IL17REL: variants seen among roughly 807,000 people sequenced by gnomAD.
The protein encoded by IL17REL is interleukin-17 receptor E-like protein.
IL17REL carries 36 observed loss-of-function variants against 49.0 expected under a neutral mutation model. The observed-to-expected ratio is 0.73, with a 90% CI of 0.56 to 0.97. IL17REL has a LOEUF of 0.97. Among genes scored for constraint, IL17REL ranks in the 50% least tolerant of loss-of-function variants. IL17REL has a pLI of 0.00. For missense variants in IL17REL, 470 were observed against 453.9 expected, an observed-to-expected ratio of 1.04 and a Z score of -0.32; for synonymous variants, 206 against 192.4, an observed-to-expected ratio of 1.07 and a Z score of -0.58.
chr22:49,997,836 A>T, intron 9 of IL17REL, 94 bp from the exon 12 acceptor site: 21 of 1,442,182 alleles, frequency 1.5e-5, no homozygotes, highest in Non-Finnish European at 2.0e-5. Context: ...GGTCAGCTTC[A>T]GGGTGCTCTG....
At position 49,999,359 on chromosome 22, in the gene IL17REL, TG is replaced by T. The variant is rs1233571448; in HGVS notation, c.547-15del. 6.2e-7 allele frequency: 1 copy of T among 1,612,872 alleles called. No homozygotes were observed. On this transcript the variant is annotated splice_polypyrimidine_tract_variant and intron_variant, in intron 6 of 12. Transcript: ENST00000341280. ...CGCAGACCAGCCCTGTGGGAGGGGCTGGGGTCAGCGCAGCCCACCCATCCCT... is the reference window on the plus strand; with the variant it reads ...CGCAGACCAGCCCTGTGGGAGGGGCTGGGTCAGCGCAGCCCACCCATCCCT...
chr22:50,001,888 C>A (rs1381727072), intron 1 of IL17REL, among the ~76,000 whole-genome samples: 6 of 152,220 alleles, frequency 3.9e-5, no homozygotes, highest in African/African-American at 1.4e-4. Context: ...AGGACTGCCA[C>A]CCTCTTTATA....
At chr22:50,010,804 T>A (rs1283474115), upstream of IL17REL, among the ~76,000 whole-genome samples, 1 of 36,000 alleles carries the variant, frequency 2.8e-5, no homozygotes, top group Non-Finnish European at 5.3e-5. Context: ...GGGGGGAAGG[T>A]GGGGGGAGCG....
In IL17REL at chr22:49,998,309, T is replaced by C. The variant is rs867175612; in HGVS notation, c.602A>G (p.Asp201Gly). ...CCACAGCACCTCCAGTGCCTCAGTG[T>C]CTGCAGGAACCCTCCCCGAAACACA... is the stretch of plus-strand genomic sequence containing the variant. Residue 201 changes from aspartate to glycine, a missense_variant and splice_region_variant, in exon 8 of 13, where the codon GAC becomes GGC. Coordinates refer to ENST00000341280, the Ensembl canonical transcript of IL17REL. The C allele has an allele frequency of 7.5e-6, 12 of 1,600,952 alleles. No homozygotes were observed. The African/African-American group carries it at 1.3e-4, about 18-fold the overall frequency.
At chr22:50,001,182 C>T in exon 2 of IL17REL, 1 of 1,600,834 alleles carries the variant, frequency 6.2e-7, no homozygotes, top group African/African-American at 1.3e-5. Context: ...CCAGGACTGA[C>T]CTGGACATGG....
At chr22:49,994,290 G>A (rs962931482), downstream of IL17REL, among the ~76,000 whole-genome samples, 5 of 133,294 alleles carry the variant, frequency 3.8e-5, no homozygotes, top group East Asian at 6.8e-4. Context: ...ACACTTGGAT[G>A]GGGATGTCTG....
At chr22:50,011,001 G>C (rs1398376551), upstream of IL17REL, among the ~76,000 whole-genome samples, 2 of 114,288 alleles carry the variant, frequency 1.7e-5, no homozygotes, top group African/African-American at 3.8e-5. Flanking sequence ...TCACCCGCGC[G>C]GGTCCCCCCC....
At chr22:50,010,304 TCCGCCCAGGCAAAAGGGGCCGGGCTCAC>T (rs1464883289), upstream of IL17REL, among the ~76,000 whole-genome samples, 1 of 152,200 alleles carries the variant, frequency 6.6e-6, no homozygotes, top group Non-Finnish European at 1.5e-5. Flanking sequence ...TGCTGAGGGC[TCCGCCCAGGCAAAAGGGGCCGGGCTCAC>T]CCGGGGCAGC....
intron 10 of IL17REL, 55 bp from the exon 13 acceptor site, chr22:49,997,538 T>C (rs2061044257): frequency 7.5e-7 from 1 of 1,335,710 alleles, no homozygotes; most frequent in Admixed American, 1.9e-5. Flanking sequence ...ACCGCCTCCC[T>C]TCCTTCCCCA....
At chr22:50,010,405 G>A (rs920758474), upstream of IL17REL, among the ~76,000 whole-genome samples, 1 of 152,242 alleles carries the variant, frequency 6.6e-6, no homozygotes, top group Non-Finnish European at 1.5e-5. Context: ...AGACCAGCCC[G>A]GGCACAGAGG....
chr22:50,005,548 T>G (rs999502721), intron 1 of IL17REL, among the ~76,000 whole-genome samples: 1 of 152,142 alleles, frequency 6.6e-6, no homozygotes, highest in Admixed American at 6.6e-5. Context: ...ACGCCTGTAA[T>G]CCCAGCACTT....
chr22:50,005,992 G>C (rs978723348), intron 1 of IL17REL, among the ~76,000 whole-genome samples: 1 of 151,958 alleles, frequency 6.6e-6, no homozygotes, highest in Non-Finnish European at 1.5e-5. Context: ...GGAGAGCTGC[G>C]AAAATAATCA....
chr22:50,005,442 C>T (rs955619333), intron 1 of IL17REL, among the ~76,000 whole-genome samples: 7 of 152,142 alleles, frequency 4.6e-5, no homozygotes, highest in African/African-American at 1.2e-4. Context: ...TGGGAAAACA[C>T]GATGGGGAAT....
chr22:49,992,901 G>C (rs757700426), downstream of IL17REL, among the ~76,000 whole-genome samples: 3 of 152,166 alleles, frequency 2.0e-5, no homozygotes, highest in African/African-American at 4.8e-5. Flanking sequence ...ACAGGCGGGA[G>C]CCACCGTGCC....
Position 49,997,751 on chromosome 22 carries a change from T to C in IL17REL, c.820-9A>G. 1 of 1,613,616 alleles carries C rather than the reference T, an allele frequency of 6.2e-7. No individual in the cohort carries two copies. Among genetic ancestry groups the C allele is most frequent in the South Asian group, 1.1e-5 (1 of 91,080 alleles). On this transcript the variant is annotated splice_polypyrimidine_tract_variant and intron_variant, in intron 9 of 12. Transcript: ENST00000341280. ...CCCCAACTGGTAGAGAACTGCAAAGTGGGGTGAGGGGTGCAGGAGGGTGGA... is the reference window on the plus strand; with the variant it reads ...CCCCAACTGGTAGAGAACTGCAAAGCGGGGTGAGGGGTGCAGGAGGGTGGA...
At chr22:49,993,520 C>T (rs1406653296), downstream of IL17REL, among the ~76,000 whole-genome samples, 1 of 152,160 alleles carries the variant, frequency 6.6e-6, no homozygotes, top group Non-Finnish European at 1.5e-5. The surrounding 1 kb of genome is among the most constrained non-coding windows in gnomAD (Gnocchi z 6.0). Flanking sequence ...TGATCCGGCT[C>T]AGCACCAGCA....
At chr22:50,006,389 T>A (rs1451671173) in intron 1 of IL17REL, among the ~76,000 whole-genome samples, 2 of 151,914 alleles carry the variant, frequency 1.3e-5, no homozygotes, top group Non-Finnish European at 2.9e-5. Flanking sequence ...GCAACAGGAA[T>A]CCAGCCTCCG....
exon 11 of IL17REL, chr22:49,997,355 G>A (rs142209556): frequency 5.5e-4 from 880 of 1,613,844 alleles, no homozygotes; most frequent in Middle Eastern, 6.6e-4. Flanking sequence ...TGGAGTGTGC[G>A]TTGGCAGGCA....
exon 4 of IL17REL, chr22:50,000,588 T>C: frequency 6.2e-7 from 1 of 1,613,020 alleles, no homozygotes; most frequent in East Asian, 2.2e-5. Flanking sequence ...AAAGTGCACT[T>C]GGAGCTGAGC....
Sources: gnomAD v4.1 joint callset for allele counts (sites outside exome capture counted in the v4.1 genomes callset) on GRCh38, gnomAD v4.1.1 for gene constraint, Gnocchi (gnomAD v3.1) non-coding constraint, MANE v1.5 for transcripts, NCBI Gene and HGNC (gene_info 2026-07-23, HGNC 2026-07-21) for gene names.